Variants in AMPD1 observed in about 807,000 individuals in gnomAD.
AMPD1 encodes the protein AMP deaminase 1.
A neutral mutation model predicts 82.9 loss-of-function variants in AMPD1; 74 were observed. The observed-to-expected ratio is 0.89, with a 90% CI of 0.74 to 1.08. The LOEUF (loss-of-function observed/expected upper bound fraction) is 1.08. Among genes scored for constraint, AMPD1 ranks in the 50% least tolerant of loss-of-function variants. The pLI is 0.00. For synonymous variants in AMPD1, 333 were observed against 320.5 expected (o/e 1.04, Z -0.42); for missense variants, 881 against 924.5 (o/e 0.95, Z 0.61).
At position 114,673,622 on chromosome 1, in the gene AMPD1, T is replaced by C; in HGVS notation, c.2085+17A>G. The C allele has an allele frequency of 6.3e-7, 1 of 1,594,398 alleles. No individual in the cohort carries two copies. Among genetic ancestry groups the C allele is most frequent in the Non-Finnish European group, 8.6e-7 (1 of 1,162,182 alleles). Reference sequence around the variant, plus strand: ...GACCCTATACTCAGAAGGGAAGCCATTTGAAGACAGGTCTACCTCATGAGA... The same window carrying C: ...GACCCTATACTCAGAAGGGAAGCCACTTGAAGACAGGTCTACCTCATGAGA... On this transcript the variant is annotated intron_variant, in intron 15 of 15. Transcript: ENST00000520113.
chr1:114,673,341 C>CAAAA lies in AMPD1; in HGVS notation c.2086-70_2086-69insTTTT. ...CCCTGGTATAGACAATAATTGCATT[C>CAAAA]TTTACAAAAATTCCTTCCTTATGTT... On this transcript the variant is annotated intron_variant, in intron 15 of 15. Coordinates refer to ENST00000520113, the MANE Select transcript of AMPD1 (RefSeq NM_000036.3). 5.1e-6 allele frequency: 8 copies of CAAAA among 1,566,726 alleles called. 1 individual carries two copies. In the South Asian group the frequency reaches 9.1e-5, roughly 18 times the overall value.
At chr1:114,684,472 A>G (rs532801163) in intron 4 of AMPD1, 108 bp from the exon 5 acceptor site, 20 of 1,153,700 alleles carry the variant, frequency 1.7e-5, no homozygotes, top group Middle Eastern at 5.2e-4. Context: ...ATCGCAGCCC[A>G]TTCTGAGACT....
chr1:114,692,917 G>A (rs914303314), intron 2 of AMPD1, among the ~76,000 whole-genome samples: 1 of 151,528 alleles, frequency 6.6e-6, no homozygotes, highest in South Asian at 2.1e-4. Flanking sequence ...CAGATCACTT[G>A]AGGTCAGGAG....
chr1:114,688,743 T>C lies in AMPD1; in HGVS notation c.35-2A>G. On this transcript the variant is annotated splice_acceptor_variant, in intron 2 of 15. Transcript: ENST00000520113. LOFTEE classifies it high-confidence loss of function. The stretch of plus-strand genomic sequence containing the variant: ...AGTTGCGCATTGCATCATCAATTTC[T>C]AAAAGAGGTTTTCACATATTAGTGT... 6.2e-6 allele frequency: 10 copies of C among 1,614,228 alleles called. No individual in the cohort carries two copies. The highest frequency in any genetic ancestry group is 8.5e-6 in the Non-Finnish European group (10 of 1,180,040).
chr1:114,687,220 A>ACAGG (rs1346548238), intron 3 of AMPD1, among the ~76,000 whole-genome samples: 8 of 152,268 alleles, frequency 5.3e-5, no homozygotes, highest in Non-Finnish European at 8.8e-5. Context: ...TACAGAAAAC[A>ACAGG]CAGGCTATGT....
chr1:114,675,963 T>G lies in AMPD1; in HGVS notation c.1429A>C (p.Lys477Gln). The G allele has an allele frequency of 1.2e-6, 2 of 1,614,154 alleles. No individual in the cohort carries two copies. Among genetic ancestry groups the G allele is most frequent in the Non-Finnish European group, 1.7e-6 (2 of 1,180,010 alleles). The change falls in exon 11 of 16, where the codon AAA becomes CAA. Residue 477 changes from lysine to glutamine, a missense_variant. Physicochemically the swap from Lys to Gln is moderately conservative, Grantham distance 53. Coordinates refer to ENST00000520113, the MANE Select transcript of AMPD1 (RefSeq NM_000036.3). ...GGCATGAAAATATTCTCCAGCATTT[T>G]TCCAAAATGTGGAAGGAAATTCTTG... ...RSKNFLPHFG[K>Q]MLENIFMPVF...
At chr1:114,690,354 G>A (rs1658478142) in intron 2 of AMPD1, among the ~76,000 whole-genome samples, 1 of 152,196 alleles carries the variant, frequency 6.6e-6, no homozygotes, top group Non-Finnish European at 1.5e-5. Context: ...TGTAGCATTG[G>A]TCAAACAGAC....
intron 3 of AMPD1, 31 bp downstream of exon 3, chr1:114,688,530 A>G (rs753290597): frequency 2.5e-6 from 4 of 1,612,726 alleles, no homozygotes; most frequent in Non-Finnish European, 3.4e-6. Flanking sequence ...TTAGGTGCCA[A>G]TATACTAAGC....
rs1375657753 is a variant in AMPD1 at position 114,674,057 on chromosome 1, A to T, written c.1826T>A (p.Phe609Tyr). 6.2e-7 allele frequency: 1 copy of T among 1,614,052 alleles called. No individual in the cohort carries two copies. Among genetic ancestry groups the T allele is most frequent in the Admixed American group, 1.7e-5 (1 of 60,026 alleles). ...CATGGCGATGGGAATTTGGGCTAAG[A>T]AAAACAAGTACTGTAGCACGGGACT... ...KKSPVLQYLF[F>Y]LAQIPIAMSP... Residue 609 changes from phenylalanine (F) to tyrosine (Y), a missense_variant, in exon 14 of 16, where the codon TTC (phenylalanine) becomes TAC (tyrosine). Phe to Tyr is a conservative substitution (Grantham distance 22, BLOSUM62 3). Coordinates refer to ENST00000520113, the MANE Select transcript of AMPD1 (RefSeq NM_000036.3).
rs746728425 is a variant in AMPD1, at chr1:114,675,595, A to G, written c.1614T>C (p.Asn538=). The G allele has an allele frequency of 6.2e-7, 1 of 1,614,190 alleles. No homozygotes were observed. Among genetic ancestry groups the G allele is most frequent in the South Asian group, 1.1e-5 (1 of 91,086 alleles). The change falls in exon 12 of 16, where the codon AAT becomes AAC. Residue 538 remains asparagine (N), a synonymous_variant. Coordinates refer to ENST00000520113, the MANE Select transcript of AMPD1 (RefSeq NM_000036.3). ...PKPQEWTLEK[N]PSYTYYAYYM... ...AGTAGGCATAGTAAGTGTAAGATGG[A>G]TTCTTTTCCAATGTCCACTCCTGGG...
intron 2 of AMPD1, among the ~76,000 whole-genome samples, chr1:114,692,882 C>A (rs543985768): frequency 4.2e-4 from 64 of 150,970 alleles, no homozygotes; most frequent in African/African-American, 1.2e-3. Flanking sequence ...CCTGTAATCC[C>A]AGCACTTTGT....
intron 1 of AMPD1, among the ~76,000 whole-genome samples, chr1:114,694,452 A>G (rs1337884975): frequency 6.6e-6 from 1 of 152,028 alleles, no homozygotes; most frequent in Non-Finnish European, 1.5e-5. Flanking sequence ...TTTAAAAAAA[A>G]CTCTTTAATT....
At chr1:114,692,666 C>G (rs1658547289) in intron 2 of AMPD1, among the ~76,000 whole-genome samples, 1 of 151,496 alleles carries the variant, frequency 6.6e-6, no homozygotes, top group African/African-American at 2.4e-5. Context: ...GGCAACACAG[C>G]AAGACTCCAT....
chr1:114,679,850 C>T (rs192799036), intron 6 of AMPD1, 142 bp from the exon 7 acceptor site: 57 of 1,012,984 alleles, frequency 5.6e-5, no homozygotes, highest in Admixed American at 3.3e-4. Flanking sequence ...GCAGTTAATC[C>T]CACTGAGAAG....
intron 2 of AMPD1, 124 bp downstream of exon 2, chr1:114,693,312 G>T: frequency 1.0e-6 from 1 of 979,792 alleles, no homozygotes; most frequent in Non-Finnish European, 1.6e-6. Context: ...AATCTTTGTT[G>T]ACTTTCAAGG....
chr1:114,673,582 G>A, intron 15 of AMPD1, 57 bp downstream of exon 15: 2 of 1,379,128 alleles, frequency 1.5e-6, no homozygotes, highest in South Asian at 2.3e-5. Context: ...TACTTTTTCG[G>A]TATTCAAGTT....
chr1:114,694,371 A>T (rs569366149), intron 1 of AMPD1, among the ~76,000 whole-genome samples: 6 of 152,312 alleles, frequency 3.9e-5, no homozygotes, highest in Admixed American at 1.3e-4. Flanking sequence ...TAAGTTGTAA[A>T]GTTAAGCCAA....
Position 114,673,561 on chromosome 1 carries a change from T to A in AMPD1, c.2085+78A>T. 2.6e-6 allele frequency: 3 copies of A among 1,172,504 alleles called. No homozygotes were observed. In the East Asian group the frequency reaches 7.0e-5, roughly 27 times the overall value. 72.6% of individuals were successfully genotyped at this position (1,172,504 alleles called of 1,614,324 possible). On this transcript the variant is annotated intron_variant, in intron 15 of 15. Coordinates refer to ENST00000520113, the MANE Select transcript of AMPD1 (RefSeq NM_000036.3). ...ATTCGTGGAACAATTTTTCTACATG[T>A]GTTTCCCAACTACTTTTTCGGTATT...
chr1:114,685,121 T>C (rs1426580573), intron 4 of AMPD1, among the ~76,000 whole-genome samples: 1 of 152,186 alleles, frequency 6.6e-6, no homozygotes, highest in Non-Finnish European at 1.5e-5. Context: ...TTGTCCCCAG[T>C]AGTTTAAGGT....
Sources: gnomAD v4.1 joint callset for allele counts (sites outside exome capture counted in the v4.1 genomes callset) on GRCh38, gnomAD v4.1.1 for gene constraint, MANE v1.5 for transcripts, NCBI Gene and HGNC (gene_info 2026-07-23, HGNC 2026-07-21) for gene names.